The following FRMD5 variants were observed in gnomAD, a reference collection of about 807,000 sequenced individuals.
FRMD5 encodes the protein FERM domain-containing protein 5.
A neutral mutation model predicts 69.0 loss-of-function variants in FRMD5; 20 were observed. The observed-to-expected ratio is 0.29, with a 90% CI of 0.20 to 0.42. The LOEUF (loss-of-function observed/expected upper bound fraction) is 0.42. Ranked by LOEUF, FRMD5 falls within the 10% of genes least tolerant of loss-of-function variation. The pLI is 1.00. For missense variants in FRMD5, 595 were observed against 708.6 expected, an observed-to-expected ratio of 0.84 and a Z score of 1.82; for synonymous variants, 271 against 260.1, an observed-to-expected ratio of 1.04 and a Z score of -0.40.
chr15:43,964,241 A>C (rs1368508243), intron 1 of FRMD5, among the ~76,000 whole-genome samples: 1 of 152,116 alleles, frequency 6.6e-6, no homozygotes, highest in African/African-American at 2.4e-5. Flanking sequence ...ACTCAATCAA[A>C]AGTCCTTATA....
At chr15:44,049,169 T>C (rs59731151) in intron 1 of FRMD5, among the ~76,000 whole-genome samples, 2 of 152,288 alleles carry the variant, frequency 1.3e-5, no homozygotes, top group East Asian at 3.9e-4. Context: ...ATTTCAAACA[T>C]AGTTTTAAGC....
chr15:43,996,728 T>TA (rs1889946795), intron 1 of FRMD5, among the ~76,000 whole-genome samples: 1 of 148,058 alleles, frequency 6.8e-6, no homozygotes, highest in Non-Finnish European at 1.5e-5. Flanking sequence ...TTTTTTTTTT[T>TA]TTTTTTTTGT....
chr15:44,027,553 G>T (rs1891481824), intron 1 of FRMD5, among the ~76,000 whole-genome samples: 1 of 151,768 alleles, frequency 6.6e-6, no homozygotes. Context: ...CCTTGCAGAA[G>T]CAACAGCCCT....
At chr15:44,095,439 CA>C (rs1354302198) in intron 1 of FRMD5, among the ~76,000 whole-genome samples, 1 of 152,042 alleles carries the variant, frequency 6.6e-6, no homozygotes, top group Non-Finnish European at 1.5e-5. Flanking sequence ...TCCTGGGTTA[CA>C]GCAATCCTCC....
intron 1 of FRMD5, among the ~76,000 whole-genome samples, chr15:44,042,582 G>A (rs1595662397): frequency 6.6e-6 from 1 of 152,144 alleles, no homozygotes; most frequent in African/African-American, 2.4e-5. Flanking sequence ...TATCCACCAC[G>A]ATCAAGTCAG....
chr15:44,077,331 G>C (rs542182246), intron 1 of FRMD5, among the ~76,000 whole-genome samples: 54 of 152,210 alleles, frequency 3.5e-4, no homozygotes, highest in Non-Finnish European at 3.7e-4. Flanking sequence ...AGAGTAGCTT[G>C]AGGATTTGTT....
chr15:44,143,399 T>A (rs2077302522), intron 1 of FRMD5, among the ~76,000 whole-genome samples: 1 of 152,026 alleles, frequency 6.6e-6, no homozygotes, highest in South Asian at 2.1e-4. Context: ...ACTTGGGGAC[T>A]AAGAAACCAG....
At chr15:43,912,476 G>A (rs1043920311) in intron 4 of FRMD5, among the ~76,000 whole-genome samples, 2 of 152,082 alleles carry the variant, frequency 1.3e-5, no homozygotes, top group Non-Finnish European at 2.9e-5. Flanking sequence ...TCAGCAGGAT[G>A]TGGATGCAAA....
intron 1 of FRMD5, among the ~76,000 whole-genome samples, chr15:44,073,023 A>C (rs1026442103): frequency 6.6e-6 from 1 of 152,108 alleles, no homozygotes; most frequent in African/African-American, 2.4e-5. Flanking sequence ...AGTTCCTGCT[A>C]CTTGGGAGGC....
chr15:43,996,979 T>C (rs1889962252), intron 1 of FRMD5, among the ~76,000 whole-genome samples: 1 of 152,154 alleles, frequency 6.6e-6, no homozygotes, highest in Non-Finnish European at 1.5e-5. Context: ...TGCACTGATA[T>C]TTCTTTAAAG....
rs115780873 is a variant in FRMD5 at position 43,886,694 on chromosome 15, C to T, written c.885-939G>A. 7.1e-3 allele frequency among the ~76,000 whole-genome samples: 1,077 copies of T among 152,322 alleles called. 10 individuals carry two copies. Among genetic ancestry groups the T allele is most frequent in the African/African-American group, 0.025 (1,023 of 41,570 alleles). On this transcript the variant is annotated intron_variant, in intron 10 of 13. Coordinates refer to ENST00000417257, the MANE Select transcript of FRMD5 (RefSeq NM_032892.5). ...GTTCTTGGGAGACACCATCCCTGCC[C>T]GTCTCAGGGCTCCAGGACATCCGAG...
At chr15:43,970,184 A>G (rs1178767582) in intron 1 of FRMD5, among the ~76,000 whole-genome samples, 1 of 152,232 alleles carries the variant, frequency 6.6e-6, no homozygotes, top group Non-Finnish European at 1.5e-5. Context: ...ATAAATCTCT[A>G]TTCTCAGAAA....
chr15:44,121,053 A>G (rs932610860), intron 1 of FRMD5, among the ~76,000 whole-genome samples: 2 of 152,130 alleles, frequency 1.3e-5, no homozygotes, highest in Non-Finnish European at 2.9e-5. Context: ...AGAGTGAGAA[A>G]TGAGAAGTTC....
At chr15:43,925,003 C>CTTTT (rs58833260) in intron 1 of FRMD5, among the ~76,000 whole-genome samples, 5 of 129,034 alleles carry the variant, frequency 3.9e-5, no homozygotes, top group African/African-American at 6.3e-5. Context: ...CTTGTATATC[C>CTTTT]TTTTTTTTTT....
At chr15:43,931,279 G>A (rs1022405138) in intron 1 of FRMD5, among the ~76,000 whole-genome samples, 6 of 152,162 alleles carry the variant, frequency 3.9e-5, no homozygotes, top group South Asian at 2.1e-4. Flanking sequence ...GACTAGTCAT[G>A]TCACAGCTGC....
chr15:44,146,429 C>G (rs2077357166), intron 1 of FRMD5, among the ~76,000 whole-genome samples: 1 of 152,134 alleles, frequency 6.6e-6, no homozygotes, highest in Non-Finnish European at 1.5e-5. Context: ...CATGTCTTCG[C>G]TATTGTGACT....
chr15:44,199,450 CTT>C (rs1475527352), upstream of FRMD5, among the ~76,000 whole-genome samples: 3 of 152,298 alleles, frequency 2.0e-5, no homozygotes, highest in Admixed American at 2.0e-4. Context: ...AACAACTCTC[CTT>C]ACCTAGGTTA....
At chr15:44,199,412 G>A (rs561739898), upstream of FRMD5, among the ~76,000 whole-genome samples, 1 of 152,232 alleles carries the variant, frequency 6.6e-6, no homozygotes, top group Admixed American at 6.5e-5. Context: ...CTACGTCTTA[G>A]GCATTTACTC....
chr15:43,920,467 T>C (rs537845617), intron 2 of FRMD5, among the ~76,000 whole-genome samples: 43 of 152,194 alleles, frequency 2.8e-4, no homozygotes, highest in Non-Finnish European at 6.0e-4. Context: ...TAGTACCTTC[T>C]TCCCCTTGGA....
Sources: gnomAD v4.1 joint callset for allele counts (sites outside exome capture counted in the v4.1 genomes callset) on GRCh38, gnomAD v4.1.1 for gene constraint, MANE v1.5 for transcripts, NCBI Gene and HGNC (gene_info 2026-07-23, HGNC 2026-07-21) for gene names.